The following AIPL1 variants were observed in gnomAD, a reference collection of about 807,000 sequenced individuals.
The protein encoded by AIPL1 is AIP like 1 HSP90 co-chaperone, also known as aryl-hydrocarbon-interacting protein-like 1.
A neutral mutation model predicts 32.9 loss-of-function variants in AIPL1; 23 were observed. The ratio of observed to expected loss-of-function variants is 0.70; its 90% CI spans 0.50 to 0.99. AIPL1 has a LOEUF of 0.99. Ranked by LOEUF, AIPL1 falls within the 50% of genes least tolerant of loss-of-function variation. The pLI, the probability that AIPL1 is intolerant of heterozygous loss-of-function variation, is 0.00. For missense variants in AIPL1, 485 were observed against 506.0 expected (o/e 0.96, Z 0.40); for synonymous variants, 210 against 209.4 (o/e 1.00, Z -0.02).
chr17:6,426,580 G>GC lies in AIPL1; in HGVS notation c.784+34dup, dbSNP rs1400173579. 2.5e-6 allele frequency: 4 copies of GC among 1,606,088 alleles called. No individual in the cohort carries two copies. The East Asian group carries it at 6.7e-5, about 27-fold the overall frequency. On this transcript the variant is annotated intron_variant, in intron 5 of 5. Coordinates refer to ENST00000381129, the MANE Select transcript of AIPL1 (RefSeq NM_014336.5). Reference sequence around the variant, plus strand: ...GTGTCTCCGTGGCCCTGGGCTGGGCGCCCCCTCACTGTCCGCCCCTGCAGC... The same window carrying GC: ...GTGTCTCCGTGGCCCTGGGCTGGGCGCCCCCCTCACTGTCCGCCCCTGCAGC...
chr17:6,434,902 C>T lies in AIPL1; in HGVS notation c.96+107G>A, dbSNP rs774905213. The T allele has an allele frequency of 1.1e-5, 17 of 1,565,444 alleles. No individual in the cohort carries two copies. The East Asian group carries it at 3.5e-4, about 32-fold the overall frequency. ...GAGGCCCAGCGCTGGGGCTGCCTGG[C>T]TGTTTTTTTGGCACAGCTGAAAGCT... On this transcript the variant is annotated intron_variant, in intron 1 of 5. Coordinates refer to ENST00000381129, the MANE Select transcript of AIPL1 (RefSeq NM_014336.5).
At chr17:6,428,574 T>C (rs1249210588) in intron 2 of AIPL1, 68 bp from the exon 3 acceptor site, 4 of 1,469,916 alleles carry the variant, frequency 2.7e-6, no homozygotes, top group Non-Finnish European at 3.8e-6. Context: ...ATAAAAGGCC[T>C]CCACTCAGAG....
intron 2 of AIPL1, among the ~76,000 whole-genome samples, chr17:6,430,046 T>G (rs1295884643): frequency 4.3e-4 from 4 of 9,398 alleles, no homozygotes; most frequent in Admixed American, 2.1e-3. Flanking sequence ...CTAGAAGGGG[T>G]GTGTGTGTGT....
At chr17:6,434,310 C>T (rs1453938350) in intron 1 of AIPL1, among the ~76,000 whole-genome samples, 1 of 151,662 alleles carries the variant, frequency 6.6e-6, no homozygotes, top group Non-Finnish European at 1.5e-5. Context: ...TTCCACTCCC[C>T]ACAGCCCTGT....
At chr17:6,431,660 G>C (rs1912617959) in intron 2 of AIPL1, among the ~76,000 whole-genome samples, 2 of 152,164 alleles carry the variant, frequency 1.3e-5, no homozygotes. Context: ...ACAGAACAGA[G>C]TTCAAATTGT....
intron 4 of AIPL1, 45 bp from the exon 5 acceptor site, chr17:6,426,801 C>A (rs200363588): frequency 1.9e-6 from 3 of 1,612,214 alleles, no homozygotes. Context: ...AGCTGCCCAA[C>A]CCCCGCCCCA....
chr17:6,425,311 T>TG lies in AIPL1; in HGVS notation c.*148_*149insC, dbSNP rs201454930. The TG allele has an allele frequency of 9.1e-3, 6,796 of 745,460 alleles. 48 individuals are homozygous for TG. The highest frequency in any genetic ancestry group is 0.011 in the Non-Finnish European group (6,105 of 533,804). The allele number at this position is 745,460 out of a possible 1,614,324, so 46.2% of individuals were successfully genotyped here. ...CTCTTCTGTACCCTTGGGATTGTTT[T>TG]TTTTTTTTTTTTTACCATGGGTGTG... On this transcript the variant is annotated 3_prime_UTR_variant, in exon 6 of 6. Coordinates refer to ENST00000381129, the MANE Select transcript of AIPL1 (RefSeq NM_014336.5).
At chr17:6,426,213 G>T in intron 5 of AIPL1, 1 of 1,278,842 alleles carries the variant, frequency 7.8e-7, no homozygotes, top group Non-Finnish European at 9.9e-7. Flanking sequence ...CCAGGGGCTG[G>T]ATGTTTTTAC....
rs139305531 is a variant in AIPL1, at chr17:6,435,011, G to A, written c.94C>T (p.Arg32Ter). 4 of 1,614,052 alleles carry A rather than the reference G, an allele frequency of 2.5e-6. No homozygotes were observed. In the African/African-American group the frequency reaches 5.3e-5, roughly 22 times the overall value. ...TGCTCCGGAGGGGCCCCACTCACTC[G>A]GGATCCGGTGATGAAGTTTGGGAGC... is the stretch of plus-strand genomic sequence containing the variant. ...GELPNFITGSRVIFHFRTMKC... is the reference protein window; with the variant it reads ...GELPNFITGS Residue 32 changes from arginine to a stop codon, truncating the protein, a stop_gained and splice_region_variant, in exon 1 of 6, where the codon CGA (arginine) becomes TGA (stop). Transcript: ENST00000381129. LOFTEE classifies it high-confidence loss of function.
In AIPL1 at chr17:6,427,825, T is replaced by C. The variant is rs570668509; in HGVS notation, c.465+493A>G. On this transcript the variant is annotated intron_variant, in intron 3 of 5. Transcript: ENST00000381129. Reference sequence around the variant, plus strand: ...TCCAAGTGGACTTTTTTTTTTTTTCTTTTTTTTGGACATGGAGTCTCACTC... The same window carrying C: ...TCCAAGTGGACTTTTTTTTTTTTTCCTTTTTTTGGACATGGAGTCTCACTC... 8.8e-4 allele frequency among the ~76,000 whole-genome samples: 117 copies of C among 132,330 alleles called. 1 individual carries two copies. Among genetic ancestry groups the C allele is most frequent in the African/African-American group, 3.9e-3 (113 of 28,844 alleles). 86.8% of individuals were successfully genotyped at this position (132,330 alleles called of 152,430 possible).
At chr17:6,426,382 G>A (rs1176157120) in intron 5 of AIPL1, 3 of 1,421,874 alleles carry the variant, frequency 2.1e-6, no homozygotes, top group South Asian at 3.0e-5. Flanking sequence ...CAAGCTTGGC[G>A]AGCTTCCTGG....
At position 6,435,051 on chromosome 17, in the gene AIPL1, G is replaced by A. The variant is rs762071968; in HGVS notation, c.54C>T (p.His18=). Residue 18 remains histidine (H), a synonymous_variant, in exon 1 of 6, where the codon CAC becomes CAT. Transcript: ENST00000381129. ...NVEGVKKTIL[H]GGTGELPNFI... Reference sequence around the variant, plus strand: ...AGTTTGGGAGCTCGCCCGTGCCCCCGTGCAGAATGGTTTTCTTGACCCCTT... The same window carrying A: ...AGTTTGGGAGCTCGCCCGTGCCCCCATGCAGAATGGTTTTCTTGACCCCTT... 3.1e-6 allele frequency: 5 copies of A among 1,614,078 alleles called. No homozygotes were observed. Among genetic ancestry groups the A allele is most frequent in the East Asian group, 2.2e-5 (1 of 44,886 alleles).
rs1194123629 is a variant in AIPL1, at chr17:6,428,431, C to T, written c.352G>A (p.Val118Met). The change falls in exon 3 of 6, where the codon GTG becomes ATG. Residue 118 changes from valine to methionine, a missense_variant. Val to Met is a conservative substitution (Grantham distance 21, BLOSUM62 1). Transcript: ENST00000381129. Reference protein sequence around the residue: ...AQGKDPTEWHVHTCGLANMFA... With the variant: ...AQGKDPTEWHMHTCGLANMFA... ...ATGTTGGCCAGCCCGCACGTGTGCA[C>T]GTGCCACTCTGTGGGGTCCTTGCCC... 8.7e-6 allele frequency: 14 copies of T among 1,613,666 alleles called. No homozygotes were observed. The highest frequency in any genetic ancestry group is 1.6e-4 in the Middle Eastern group (1 of 6,084).
At chr17:6,434,891 G>C (rs1913021995) in intron 1 of AIPL1, 118 bp downstream of exon 1, 1 of 1,542,096 alleles carries the variant, frequency 6.5e-7, no homozygotes, top group African/African-American at 1.4e-5. Context: ...CCCAGCGCTG[G>C]GGCTGCCTGG....
chr17:6,423,801 G>T lies in AIPL1; in HGVS notation c.*1659C>A, dbSNP rs1911653961. 1 of 152,264 alleles carries T rather than the reference G, an allele frequency of 6.6e-6. No homozygotes were observed. The highest frequency in any genetic ancestry group is 2.4e-5 in the African/African-American group (1 of 41,470). The allele number at this position is 152,264 out of a possible 1,614,324, so 9.4% of individuals were successfully genotyped here. A position where few individuals can be genotyped will look rare whatever the true frequency, so the allele number is the denominator to read the frequency against. ...ATCAACCTATGGACAAAGCACAGAA[G>T]ATTTAGTTTTGCTTACAGAGCAGAA... On this transcript the variant is annotated 3_prime_UTR_variant, in exon 6 of 6. Coordinates refer to ENST00000381129, the MANE Select transcript of AIPL1 (RefSeq NM_014336.5).
At chr17:6,433,375 T>C (rs1912798404) in intron 2 of AIPL1, among the ~76,000 whole-genome samples, 1 of 151,980 alleles carries the variant, frequency 6.6e-6, no homozygotes, top group African/African-American at 2.4e-5. Flanking sequence ...GACAGGAGGA[T>C]TGCTTAAGCC....
At position 6,425,304 on chromosome 17, in the gene AIPL1, ATTGT is replaced by A. The variant is rs1911791903; in HGVS notation, c.*152_*155del. 2 of 779,214 alleles carry A rather than the reference ATTGT, an allele frequency of 2.6e-6. No homozygotes were observed. The highest frequency in any genetic ancestry group is 3.7e-6 in the Non-Finnish European group (2 of 538,788). 48.3% of individuals were successfully genotyped at this position (779,214 alleles called of 1,614,324 possible). A position where few individuals can be genotyped will look rare whatever the true frequency, so the allele number is the denominator to read the frequency against. On this transcript the variant is annotated 3_prime_UTR_variant, in exon 6 of 6. Coordinates refer to ENST00000381129, the MANE Select transcript of AIPL1 (RefSeq NM_014336.5). ...TCATAAGCTCTTCTGTACCCTTGGG[ATTGT>A]TTTTTTTTTTTTTTTTACCATGGGT...
chr17:6,426,802 C>G, intron 4 of AIPL1, 46 bp from the exon 5 acceptor site: 1 of 1,612,462 alleles, frequency 6.2e-7, no homozygotes, highest in Non-Finnish European at 8.5e-7. Context: ...GCTGCCCAAC[C>G]CCCGCCCCAC....
rs187924827 is a variant in AIPL1 at position 6,425,927 on chromosome 17, C to T, written c.785-97G>A. Reference sequence around the variant, plus strand: ...CTCACCAGCCTCCAAGACCCTCAGCCCCGCCATGATCCTTAACCTCTCTGT... The same window carrying T: ...CTCACCAGCCTCCAAGACCCTCAGCTCCGCCATGATCCTTAACCTCTCTGT... On this transcript the variant is annotated intron_variant, in intron 5 of 5. Transcript: ENST00000381129. 23,970 of 1,479,834 alleles carry T rather than the reference C, an allele frequency of 0.016. 246 individuals are homozygous for T. Among genetic ancestry groups the T allele is most frequent in the Non-Finnish European group, 0.019 (21,151 of 1,102,880 alleles). 91.7% of individuals were successfully genotyped at this position (1,479,834 alleles called of 1,614,324 possible).
Sources: allele counts gnomAD v4.1 joint callset (sites outside exome capture counted in the v4.1 genomes callset), GRCh38; gene constraint gnomAD v4.1.1; transcripts MANE v1.5; gene names NCBI Gene and HGNC (gene_info 2026-07-23, HGNC 2026-07-21).